PCSK5: variants seen among roughly 807,000 people sequenced by gnomAD.
PCSK5 encodes the protein proprotein convertase subtilisin/kexin type 5.
PCSK5 carries 129 observed loss-of-function variants against 233.2 expected under a neutral mutation model. The ratio of observed to expected loss-of-function variants is 0.55; its 90% CI spans 0.48 to 0.64. The LOEUF (loss-of-function observed/expected upper bound fraction) is 0.64. PCSK5 is among the 30% of genes least tolerant of loss of function. PCSK5 has a pLI of 0.00. For missense variants in PCSK5, 2,076 were observed against 2,430.1 expected (o/e 0.85, Z 3.06); for synonymous variants, 825 against 879.2 (o/e 0.94, Z 1.09).
intron 12 of PCSK5, among the ~76,000 whole-genome samples, chr9:76,167,173 G>A (rs775395504): frequency 2.0e-5 from 3 of 152,138 alleles, no homozygotes; most frequent in Non-Finnish European, 4.4e-5. Context: ...GATCCAACCT[G>A]GTTCCTCATT....
intron 10 of PCSK5, among the ~76,000 whole-genome samples, chr9:76,156,376 A>C (rs1230091857): frequency 1.3e-5 from 2 of 152,220 alleles, no homozygotes; most frequent in African/African-American, 4.8e-5. Context: ...AAAAGTCTAG[A>C]GGCCTCCAAA....
At chr9:76,092,554 T>C (rs765020894) in intron 7 of PCSK5, among the ~76,000 whole-genome samples, 10 of 152,202 alleles carry the variant, frequency 6.6e-5, no homozygotes, top group African/African-American at 9.6e-5. Flanking sequence ...CATGCCACCA[T>C]GCCTGGCTAA....
At chr9:75,930,361 G>GAGGCCAGAGAGAGGCT (rs1169787383) in intron 1 of PCSK5, among the ~76,000 whole-genome samples, 1 of 152,180 alleles carries the variant, frequency 6.6e-6, no homozygotes, top group Non-Finnish European at 1.5e-5. Flanking sequence ...GATTTGAGGT[G>GAGGCCAGAGAGAGGCT]AGGCCAGAGA....
intron 20 of PCSK5, among the ~76,000 whole-genome samples, chr9:76,197,230 T>C (rs1824739953): frequency 6.6e-6 from 1 of 152,180 alleles, no homozygotes; most frequent in African/African-American, 2.4e-5. Flanking sequence ...AATCTACATT[T>C]GTACACCTTG....
rs112036196 is a variant in PCSK5 at position 76,276,862 on chromosome 9, T to G, written c.3143-15371T>G. Among the ~76,000 whole-genome samples, 458 of 152,358 alleles carry G rather than the reference T, an allele frequency of 3.0e-3. 4 individuals carry two copies. The highest frequency in any genetic ancestry group is 0.011 in the African/African-American group (441 of 41,580). On this transcript the variant is annotated intron_variant, in intron 24 of 37. Coordinates refer to ENST00000674117, the MANE Select transcript of PCSK5 (RefSeq NM_001372043.1). ...GGAAAACAAAACAGAACAACCTGTC[T>G]TCATGAAGCTTGCGTTTTACTGTTT...
intron 20 of PCSK5, among the ~76,000 whole-genome samples, chr9:76,225,434 T>A (rs1177196914): frequency 1.3e-5 from 2 of 152,202 alleles, no homozygotes; most frequent in Non-Finnish European, 2.9e-5. Flanking sequence ...CTCAGCATAT[T>A]TTTTTGAAAG....
intron 20 of PCSK5, among the ~76,000 whole-genome samples, chr9:76,216,346 A>G (rs1319888279): frequency 6.6e-6 from 1 of 152,194 alleles, no homozygotes; most frequent in African/African-American, 2.4e-5. Flanking sequence ...CCACTCTGAA[A>G]TGTTTTGATG....
intron 3 of PCSK5, among the ~76,000 whole-genome samples, chr9:75,988,202 A>C (rs930099195): frequency 1.3e-5 from 2 of 152,174 alleles, no homozygotes; most frequent in Non-Finnish European, 2.9e-5. Flanking sequence ...TTTGATGATA[A>C]TATTACAAAT....
At chr9:76,227,473 T>C (rs1034907292) in intron 20 of PCSK5, 30 bp from the exon 21 acceptor site, 8 of 1,502,050 alleles carry the variant, frequency 5.3e-6, no homozygotes, top group Middle Eastern at 1.7e-4. Flanking sequence ...CATGTAGAAA[T>C]GAAATAAACA....
At chr9:75,908,984 T>TATCTATCC (rs1822585940) in intron 1 of PCSK5, among the ~76,000 whole-genome samples, 1 of 141,708 alleles carries the variant, frequency 7.1e-6, no homozygotes, top group African/African-American at 2.5e-5. Flanking sequence ...TCTATCTATC[T>TATCTATCC]ATCTATCCGA....
At chr9:75,928,617 AT>A (rs1823622490) in intron 1 of PCSK5, among the ~76,000 whole-genome samples, 2 of 111,996 alleles carry the variant, frequency 1.8e-5, no homozygotes, top group African/African-American at 7.9e-5. Context: ...ATATATATAT[AT>A]ATATATATAT....
intron 2 of PCSK5, among the ~76,000 whole-genome samples, chr9:75,949,288 T>G (rs1824733676): frequency 6.6e-6 from 1 of 151,866 alleles, no homozygotes; most frequent in African/African-American, 2.4e-5. Flanking sequence ...GACATTGGTG[T>G]AAGTACTGAG....
At chr9:75,994,800 G>A (rs1360274380) in intron 3 of PCSK5, among the ~76,000 whole-genome samples, 1 of 151,998 alleles carries the variant, frequency 6.6e-6, no homozygotes, top group Non-Finnish European at 1.5e-5. Flanking sequence ...AAACCCCCAA[G>A]CAACCAACCA....
rs1407902181 is a variant in PCSK5, at chr9:76,159,140, T to G, written c.1588T>G (p.Ser530Ala). 1.9e-6 allele frequency: 3 copies of G among 1,614,098 alleles called. No homozygotes were observed. In the Admixed American group the frequency reaches 5.0e-5, roughly 27 times the overall value. The part of the protein sequence containing the change: ...GDLAIYLTSP[S>A]GTRSQLLANR... ...CCTGGCCATCTACCTGACCTCGCCC[T>G]CTGGAACTAGGTCTCAGCTTTTGGC... Residue 530 changes from serine to alanine, a missense_variant, in exon 12 of 38, where the codon TCT (serine) becomes GCT (alanine). By Grantham distance (99) the Ser-to-Ala change is moderately conservative. Coordinates refer to ENST00000674117, the MANE Select transcript of PCSK5 (RefSeq NM_001372043.1).
intron 8 of PCSK5, among the ~76,000 whole-genome samples, chr9:76,100,164 G>T (rs12001902): frequency 0.083 from 12,585 of 152,196 alleles, 611 homozygotes; most frequent in East Asian, 0.23. Flanking sequence ...GATCAGCAAT[G>T]ACCTTATATC....
In PCSK5 at chr9:75,989,074, G is replaced by T. The variant is rs184222572; in HGVS notation, c.411+2829G>T. 1.8e-3 allele frequency among the ~76,000 whole-genome samples: 279 copies of T among 152,268 alleles called. 2 individuals carry two copies. Among genetic ancestry groups the T allele is most frequent in the Admixed American group, 5.6e-3 (85 of 15,306 alleles). On this transcript the variant is annotated intron_variant, in intron 3 of 37. Coordinates refer to ENST00000674117, the MANE Select transcript of PCSK5 (RefSeq NM_001372043.1). ...AATGATTACTTTCCCTTAATAAAAG[G>T]GATGGGAAACAGGTTCCATACCTTA...
At chr9:76,141,033 A>G (rs893997480) in intron 10 of PCSK5, among the ~76,000 whole-genome samples, 1 of 152,148 alleles carries the variant, frequency 6.6e-6, no homozygotes, top group East Asian at 1.9e-4. Context: ...GACTTTGACT[A>G]TTCTTAATAA....
intron 30 of PCSK5, among the ~76,000 whole-genome samples, chr9:76,315,641 A>ATTTT (rs777066898): frequency 1.4e-5 from 2 of 139,102 alleles, no homozygotes. Flanking sequence ...GGAGAAGACT[A>ATTTT]CTTTTTTTTT....
At chr9:76,181,366 G>T (rs772214563) in intron 15 of PCSK5, 32 bp from the exon 16 acceptor site, 5 of 1,585,128 alleles carry the variant, frequency 3.2e-6, no homozygotes, top group Non-Finnish European at 4.3e-6. Context: ...TGCTCATGAC[G>T]CTGCCTTCTT....
Sources: allele counts gnomAD v4.1 joint callset (sites outside exome capture counted in the v4.1 genomes callset), GRCh38; gene constraint gnomAD v4.1.1; transcripts MANE v1.5; gene names NCBI Gene and HGNC (gene_info 2026-07-23, HGNC 2026-07-21).